Variants in CPLANE1 observed in about 807,000 individuals in gnomAD.
CPLANE1 encodes ciliogenesis and planar polarity effector 1.
Under a neutral mutation model 362.5 loss-of-function variants are expected in CPLANE1, and 263 were observed. That is an observed-to-expected ratio of 0.73 (90% CI 0.66 to 0.80). The LOEUF (loss-of-function observed/expected upper bound fraction) is 0.80, where lower values mean the gene tolerates loss of function less well. Ranked by LOEUF, CPLANE1 falls within the 30% of genes least tolerant of loss-of-function variation. The pLI is 0.00. For synonymous variants in CPLANE1, 1,212 were observed against 1,302.6 expected, an observed-to-expected ratio of 0.93 and a Z score of 1.50; for missense variants, 3,461 against 3,793.4, an observed-to-expected ratio of 0.91 and a Z score of 2.30.
At chr5:37,238,833 A>C in intron 8 of CPLANE1, 24 bp downstream of exon 8, 4 of 1,351,818 alleles carry the variant, frequency 3.0e-6, no homozygotes, top group Non-Finnish European at 4.0e-6. Context: ...AAAAGAAAAA[A>C]AAGACAGACA....
In CPLANE1 at chr5:37,120,699, C is replaced by T. The variant is rs367924800; in HGVS notation, c.9186-359G>A. Among the ~76,000 whole-genome samples the T allele has an allele frequency of 2.0e-5, 3 of 152,174 alleles. No individual in the cohort carries two copies. The South Asian group carries it at 6.2e-4, about 32-fold the overall frequency. Reference sequence around the variant, plus strand: ...AACAAATTATTCTTTGTATCTCATACCTCAAACCTCATTTTTTTTCACAAA... The same window carrying T: ...AACAAATTATTCTTTGTATCTCATATCTCAAACCTCATTTTTTTTCACAAA... On this transcript the variant is annotated intron_variant, in intron 49 of 52. Transcript: ENST00000651892.
chr5:37,210,924 T>G (rs576311232), intron 16 of CPLANE1: 1 of 780,324 alleles, frequency 1.3e-6, no homozygotes, highest in African/African-American at 1.7e-5. Flanking sequence ...TACTACACAG[T>G]TGAAGGCCCA....
chr5:37,239,702 T>C lies in CPLANE1; in HGVS notation c.834+11A>G, dbSNP rs1304018670. 6 of 1,453,042 alleles carry C rather than the reference T, an allele frequency of 4.1e-6. No homozygotes were observed. Among genetic ancestry groups the C allele is most frequent in the Non-Finnish European group, 5.5e-6 (6 of 1,094,530 alleles). The allele number at this position is 1,453,042 out of a possible 1,614,324, so 90.0% of individuals were successfully genotyped here. A position where few individuals can be genotyped will look rare whatever the true frequency, so the allele number is the denominator to read the frequency against. On this transcript the variant is annotated intron_variant, in intron 7 of 52. Coordinates refer to ENST00000651892, the MANE Select transcript of CPLANE1 (RefSeq NM_001384732.1). ...TTTATAGATTACTTTCTAAGACAGA[T>C]ATTTACTGACCTTGGGGTCTTTCTG...
At chr5:37,197,590 G>T (rs967550862) in intron 20 of CPLANE1, among the ~76,000 whole-genome samples, 1 of 152,116 alleles carries the variant, frequency 6.6e-6, no homozygotes, top group African/African-American at 2.4e-5. Flanking sequence ...CCACCCTGTG[G>T]TGGTTCTGAT....
Position 37,245,839 on chromosome 5 carries a change from CT to C in CPLANE1, c.87del (p.Glu30LysfsTer11). 6.6e-7 allele frequency: 1 copy of C among 1,510,504 alleles called. No homozygotes were observed. The highest frequency in any genetic ancestry group is 2.5e-5 in the East Asian group (1 of 40,120). 93.6% of individuals were successfully genotyped at this position (1,510,504 alleles called of 1,614,324 possible). On this transcript the variant is annotated frameshift_variant, in exon 3 of 53. Coordinates refer to ENST00000651892, the MANE Select transcript of CPLANE1 (RefSeq NM_001384732.1). ...WPRVSWLGKE[K>X]EAVFLLDDKF... ...TTATCATCCAAAAGAAAAACGGCTT[CT>C]TTTTCCTAAGAGAAGAAACATGTGA...
chr5:37,128,831 C>T (rs975638684), intron 46 of CPLANE1, among the ~76,000 whole-genome samples: 1 of 151,608 alleles, frequency 6.6e-6, no homozygotes, highest in African/African-American at 2.4e-5. Context: ...TGTACTCCAG[C>T]CTGGGCAACT....
chr5:37,104,993 T>C (rs301907), downstream of CPLANE1, among the ~76,000 whole-genome samples: 22,633 of 151,854 alleles, frequency 0.15, 1,970 homozygotes, highest in African/African-American at 0.23. Context: ...CACAGACCAA[T>C]AGAATAGAAT....
intron 27 of CPLANE1, 131 bp from the exon 28 acceptor site, chr5:37,180,314 C>T (rs549350969): frequency 3.2e-5 from 13 of 404,562 alleles, no homozygotes; most frequent in South Asian, 2.3e-4. Context: ...GGCGCAATCT[C>T]GGCTTAATTC....
At chr5:37,221,003 C>T in intron 15 of CPLANE1, among the ~76,000 whole-genome samples, 1 of 152,084 alleles carries the variant, frequency 6.6e-6, no homozygotes, top group East Asian at 1.9e-4. Flanking sequence ...ACTGTTAAAT[C>T]CTGGGGATTC....
At chr5:37,172,866 A>C (rs143107309) in intron 32 of CPLANE1, among the ~76,000 whole-genome samples, 3,251 of 152,264 alleles carry the variant, frequency 0.021, 129 homozygotes, top group African/African-American at 0.075. Context: ...CATGCCTATA[A>C]TCCCAGCTAC....
At position 37,226,826 on chromosome 5, in the gene CPLANE1, T is replaced by C. The variant is rs751417720; in HGVS notation, c.1769A>G (p.Glu590Gly). ...TATGTAATTTAACATTAAATTTTTTTCTGTCACAGTTTTTGAAATTCCTAT... is the reference window on the plus strand; with the variant it reads ...TATGTAATTTAACATTAAATTTTTTCCTGTCACAGTTTTTGAAATTCCTAT... Reference protein sequence around the residue: ...WTIGISKTVTEKNLMLNYIVV... With the variant: ...WTIGISKTVTGKNLMLNYIVV... The change falls in exon 12 of 53, where the codon GAA becomes GGA. Residue 590 changes from glutamate (E) to glycine (G), a missense_variant. Physicochemically the swap from Glu to Gly is moderately conservative, Grantham distance 98 (BLOSUM62 -2). Transcript: ENST00000651892. 1.3e-6 allele frequency: 2 copies of C among 1,550,416 alleles called. No homozygotes were observed. Among genetic ancestry groups the C allele is most frequent in the South Asian group, 2.4e-5 (2 of 83,724 alleles).
intron 5 of CPLANE1, 113 bp from the exon 6 acceptor site, chr5:37,243,232 GC>G: frequency 1.6e-6 from 1 of 644,438 alleles, no homozygotes; most frequent in Non-Finnish European, 2.5e-6. Context: ...TTGAGATCTT[GC>G]TTATACTTTT....
chr5:37,168,980 G>T lies in CPLANE1; in HGVS notation c.7044C>A (p.Thr2348=). The change falls in exon 34 of 53, where the codon ACC becomes ACA. Residue 2348 remains threonine, a synonymous_variant. Transcript: ENST00000651892. ...AGGAATGGTGAGGAGATATCTCAAG[G>T]GTCCCTGGCTTAACATCAAATAGTT... The part of the protein sequence containing the change: ...PEKLFDVKPG[T]LEISPHHSFG... 7 of 1,614,116 alleles carry T rather than the reference G, an allele frequency of 4.3e-6. No individual in the cohort carries two copies. The highest frequency in any genetic ancestry group is 5.9e-6 in the Non-Finnish European group (7 of 1,180,022).
the CPLANE1 span, among the ~76,000 whole-genome samples, chr5:37,088,581 G>A: frequency 6.6e-6 from 1 of 152,074 alleles, no homozygotes; most frequent in East Asian, 1.9e-4. Context: ...TGATAAAAAC[G>A]CCAACCCCAT....
intron 19 of CPLANE1, among the ~76,000 whole-genome samples, chr5:37,200,346 G>C (rs142125194): frequency 6.6e-6 from 1 of 152,072 alleles, no homozygotes; most frequent in Non-Finnish European, 1.5e-5. Flanking sequence ...CAAACTACTC[G>C]AACTATTATC....
chr5:37,210,761 GC>G, intron 16 of CPLANE1: 1 of 1,529,520 alleles, frequency 6.5e-7, no homozygotes, highest in Non-Finnish European at 9.1e-7. Flanking sequence ...ATGAAAACTT[GC>G]GTCTCCTAAA....
Position 37,122,504 on chromosome 5 carries a change from C to A in CPLANE1, c.8959-16G>T, listed in dbSNP as rs1409510097. The A allele has an allele frequency of 2.5e-6, 4 of 1,597,146 alleles. No homozygotes were observed. The highest frequency in any genetic ancestry group is 3.4e-6 in the Non-Finnish European group (4 of 1,169,302). The stretch of plus-strand genomic sequence containing the variant: ...TCATGTAAAGCTGCATAAAAAATAC[C>A]CAGTTGGTTCATTATTGTTCAATCC... On this transcript the variant is annotated splice_polypyrimidine_tract_variant and intron_variant, in intron 47 of 52. Transcript: ENST00000651892.
At chr5:37,149,695 G>GT (rs905526737) in intron 42 of CPLANE1, among the ~76,000 whole-genome samples, 3 of 151,844 alleles carry the variant, frequency 2.0e-5, no homozygotes, top group South Asian at 2.1e-4. Flanking sequence ...ATATGAATGT[G>GT]TTTTTTTTCT....
intron 18 of CPLANE1, among the ~76,000 whole-genome samples, chr5:37,202,308 C>G (rs1446159140): frequency 6.6e-6 from 1 of 151,906 alleles, no homozygotes; most frequent in Non-Finnish European, 1.5e-5. Flanking sequence ...ATTACAGGCA[C>G]ACACTATCCA....
Sources: allele counts gnomAD v4.1 joint callset (sites outside exome capture counted in the v4.1 genomes callset), GRCh38; gene constraint gnomAD v4.1.1; transcripts MANE v1.5; gene names NCBI Gene and HGNC (gene_info 2026-07-23, HGNC 2026-07-21).